Variants in TTF1 observed in about 807,000 individuals in gnomAD.
The protein encoded by TTF1 is transcription termination factor 1.
In TTF1, 64 loss-of-function variants were observed where a neutral mutation model predicts 80.2. The observed-to-expected ratio is 0.80, with a 90% CI of 0.65 to 0.98. The LOEUF is 0.98. Ranked by LOEUF, TTF1 falls within the 50% of genes least tolerant of loss-of-function variation. TTF1 has a pLI of 0.00. For missense variants in TTF1, 1,023 were observed against 1,086.2 expected (o/e 0.94, Z 0.82); for synonymous variants, 372 against 382.7 (o/e 0.97, Z 0.33).
At position 132,390,669 on chromosome 9, in the gene TTF1, T is replaced by C; in HGVS notation, c.2150A>G (p.Tyr717Cys). Reference sequence around the variant, plus strand: ...TACTTCTACCCAAGATATGCCCTTGTAGAGTTTTTCCCGAACAATTGATAG... The same window carrying C: ...TACTTCTACCCAAGATATGCCCTTGCAGAGTTTTTCCCGAACAATTGATAG... Reference protein sequence around the residue: ...SCLSIVREKLYKGISWVEVEA... With the variant: ...SCLSIVREKLCKGISWVEVEA... Residue 717 changes from tyrosine to cysteine, a missense_variant, in exon 7 of 11, where the codon TAC becomes TGC. Transcript: ENST00000334270. 1.2e-6 allele frequency: 2 copies of C among 1,614,242 alleles called. No individual in the cohort carries two copies. Among genetic ancestry groups the C allele is most frequent in the South Asian group, 2.2e-5 (2 of 91,086 alleles).
At chr9:132,391,027 G>T (rs1361531026) in intron 6 of TTF1, among the ~76,000 whole-genome samples, 196 bp from the exon 7 acceptor site, 1 of 152,130 alleles carries the variant, frequency 6.6e-6, no homozygotes, top group Admixed American at 6.5e-5. Flanking sequence ...AAGAACTAAA[G>T]CCTGAAATTA....
At position 132,384,857 on chromosome 9, in the gene TTF1, T is replaced by C. The variant is rs1346685283; in HGVS notation, c.2378+1699A>G. Among the ~76,000 whole-genome samples the C allele has an allele frequency of 6.6e-6, 1 of 152,216 alleles. No homozygotes were observed. Among genetic ancestry groups the C allele is most frequent in the Non-Finnish European group, 1.5e-5 (1 of 68,048 alleles). ...TTTTTGTAGAGACGGAGTTGAACCA[T>C]GTTGGCCAGGCTGGTCTTGAACTCC... On this transcript the variant is annotated intron_variant, in intron 9 of 10. Coordinates refer to ENST00000334270, the MANE Select transcript of TTF1 (RefSeq NM_007344.4). This position sits in a 1 kb window ranked among gnomAD's most constrained non-coding sequence, Gnocchi z 4.1.
rs539279082 is a variant in TTF1 at position 132,386,726 on chromosome 9, C to T, written c.2313-105G>A. The T allele has an allele frequency of 3.1e-4, 264 of 863,170 alleles. 1 individual carries two copies. In the African/African-American group the frequency reaches 3.5e-3, roughly 12 times the overall value. The allele number at this position is 863,170 out of a possible 1,614,324, so 53.5% of individuals were successfully genotyped here. On this transcript the variant is annotated intron_variant, in intron 8 of 10. Transcript: ENST00000334270. ...AGCTGGAAGGTATGTGCGCTTTCGCCGCATTCCAGCTCCCTCGTTACACAT... is the reference window on the plus strand; with the variant it reads ...AGCTGGAAGGTATGTGCGCTTTCGCTGCATTCCAGCTCCCTCGTTACACAT...
chr9:132,398,889 C>A (rs1445314919), intron 3 of TTF1, among the ~76,000 whole-genome samples: 1 of 152,058 alleles, frequency 6.6e-6, no homozygotes, highest in Admixed American at 6.6e-5. Context: ...CTCACTTGGC[C>A]TAGGTTTACT....
At chr9:132,397,777 G>A (rs545254) in intron 4 of TTF1, among the ~76,000 whole-genome samples, 115,617 of 151,842 alleles carry the variant, frequency 0.76, 45,157 homozygotes, top group Non-Finnish European at 0.86. Flanking sequence ...ACGAGGTCAG[G>A]AGTTCGAGAC....
rs1388921208 is a variant in TTF1 at position 132,384,738 on chromosome 9, C to T, written c.2378+1818G>A. On this transcript the variant is annotated intron_variant, in intron 9 of 10. Coordinates refer to ENST00000334270, the MANE Select transcript of TTF1 (RefSeq NM_007344.4). This position sits in a 1 kb window ranked among gnomAD's most constrained non-coding sequence, Gnocchi z 4.1. ...ATGGCATGATCTCGGCTTACTGCAACCTCCGCCTCCTGGGTTCAAGCGATT... is the reference window on the plus strand; with the variant it reads ...ATGGCATGATCTCGGCTTACTGCAATCTCCGCCTCCTGGGTTCAAGCGATT... 6.6e-6 allele frequency among the ~76,000 whole-genome samples: 1 copy of T among 152,116 alleles called. No homozygotes were observed. Among genetic ancestry groups the T allele is most frequent in the Non-Finnish European group, 1.5e-5 (1 of 68,024 alleles).
At chr9:132,391,682 G>A (rs752732561) in intron 6 of TTF1, among the ~76,000 whole-genome samples, 11 of 152,190 alleles carry the variant, frequency 7.2e-5, no homozygotes, top group Non-Finnish European at 1.6e-4. Context: ...CAGACAGGAG[G>A]TCACCAACAC....
At chr9:132,383,851 G>A (rs1320670245) in intron 9 of TTF1, among the ~76,000 whole-genome samples, 1 of 151,992 alleles carries the variant, frequency 6.6e-6, no homozygotes, top group African/African-American at 2.4e-5. Flanking sequence ...CACCACCGAG[G>A]GGCTTTCTCA....
In TTF1 at chr9:132,401,638, G is replaced by A. The variant is rs764361801; in HGVS notation, c.1184C>T (p.Thr395Met). Residue 395 changes from threonine (T) to methionine (M), a missense_variant, in exon 2 of 11, where the codon ACG (threonine) becomes ATG (methionine). By Grantham distance (81) the Thr-to-Met change is moderately conservative. Coordinates refer to ENST00000334270, the MANE Select transcript of TTF1 (RefSeq NM_007344.4). ...AGACACTCGTGCCCTTTTGACAGACGTAAGCTTCCTTTTCTTAGACTTCTT... is the reference window on the plus strand; with the variant it reads ...AGACACTCGTGCCCTTTTGACAGACATAAGCTTCCTTTTCTTAGACTTCTT... ...TKKKSKKRKL[T>M]SVKRARVSGD... The A allele has an allele frequency of 9.9e-6, 16 of 1,614,038 alleles. No homozygotes were observed. In the African/African-American group the frequency reaches 1.2e-4, roughly 12 times the overall value.
Position 132,405,711 on chromosome 9 carries a change from T to C in TTF1, c.-8+1079A>G, listed in dbSNP as rs116346348. Reference sequence around the variant, plus strand: ...ACAGACCTGCAAGAGTCTTCATTTCTTCATAATCTAGCCTAGAGATGGACA... The same window carrying C: ...ACAGACCTGCAAGAGTCTTCATTTCCTCATAATCTAGCCTAGAGATGGACA... On this transcript the variant is annotated intron_variant, in intron 1 of 10. Transcript: ENST00000334270. Among the ~76,000 whole-genome samples the C allele has an allele frequency of 3.1e-3, 475 of 152,360 alleles. 2 individuals carry two copies. Among genetic ancestry groups the C allele is most frequent in the African/African-American group, 0.011 (461 of 41,586 alleles).
Position 132,400,273 on chromosome 9 carries a change from A to G in TTF1, c.1368-15T>C. 1 of 1,609,202 alleles carries G rather than the reference A, an allele frequency of 6.2e-7. No individual in the cohort carries two copies. The highest frequency in any genetic ancestry group is 8.5e-7 in the Non-Finnish European group (1 of 1,175,562). On this transcript the variant is annotated splice_polypyrimidine_tract_variant and intron_variant, in intron 2 of 10. Coordinates refer to ENST00000334270, the MANE Select transcript of TTF1 (RefSeq NM_007344.4). ...CAGGTTCTAACCTAAGGGGTTAGAAAATTGGGTTGACTAACATTAACACAT... is the reference window on the plus strand; with the variant it reads ...CAGGTTCTAACCTAAGGGGTTAGAAGATTGGGTTGACTAACATTAACACAT...
intron 7 of TTF1, 114 bp from the exon 8 acceptor site, chr9:132,388,342 CTTTT>C (rs879104319): frequency 1.9e-6 from 1 of 518,216 alleles, no homozygotes; most frequent in Non-Finnish European, 3.1e-6. Context: ...TCTAACTTTT[CTTTT>C]TTTTTTTTGA....
In TTF1 at chr9:132,376,016, C is replaced by T; in HGVS notation, c.2617G>A (p.Glu873Lys). ...CTTTCTTTTTCTATGTCCTCTCCTT[C>T]ACTATCGTCTTCATAATAAAAGATG... ...RDIFYYEDDS[E>K]GEDIEKESEG... is the part of the protein sequence containing the mutation. Residue 873 changes from glutamate (E) to lysine (K), a missense_variant, in exon 11 of 11, where the codon GAA (glutamate) becomes AAA (lysine). Glu to Lys is a moderately conservative substitution (Grantham distance 56). Coordinates refer to ENST00000334270, the MANE Select transcript of TTF1 (RefSeq NM_007344.4). 6.2e-7 allele frequency: 1 copy of T among 1,614,202 alleles called. No homozygotes were observed. Among genetic ancestry groups the T allele is most frequent in the Non-Finnish European group, 8.5e-7 (1 of 1,180,038 alleles).
rs1423169470 is a variant in TTF1 at position 132,401,673 on chromosome 9, G to T, written c.1149C>A (p.Asn383Lys). The stretch of plus-strand genomic sequence containing the variant: ...TTTTCTTAGACTTCTTCTTTGTACT[G>T]TTGGATTCCTTGAACCCTTTAAGAG... ...STALKGFKES[N>K]STKKKSKKRK... Residue 383 changes from asparagine to lysine, a missense_variant, in exon 2 of 11, where the codon AAC becomes AAA. Asn to Lys is a moderately conservative substitution (Grantham distance 94). Coordinates refer to ENST00000334270, the MANE Select transcript of TTF1 (RefSeq NM_007344.4). 1.2e-6 allele frequency: 2 copies of T among 1,614,052 alleles called. No individual in the cohort carries two copies. The highest frequency in any genetic ancestry group is 1.7e-6 in the Non-Finnish European group (2 of 1,180,046).
chr9:132,399,906 G>T, intron 3 of TTF1, 129 bp downstream of exon 3: 1 of 967,918 alleles, frequency 1.0e-6, no homozygotes, highest in Non-Finnish European at 1.6e-6. Flanking sequence ...ATTCTGGTAG[G>T]AGATAGAGGT....
chr9:132,396,303 C>T (rs1849646424), intron 5 of TTF1, 130 bp downstream of exon 5: 1 of 901,334 alleles, frequency 1.1e-6, no homozygotes, highest in Non-Finnish European at 1.8e-6. Flanking sequence ...ACAACAAATA[C>T]ACCACCTGGT....
At chr9:132,405,681 T>C (rs1230609123) in intron 1 of TTF1, among the ~76,000 whole-genome samples, 1 of 152,216 alleles carries the variant, frequency 6.6e-6, no homozygotes, top group Non-Finnish European at 1.5e-5. Flanking sequence ...AAAGTCAAAA[T>C]CCTCACAGAC....
chr9:132,393,115 C>T (rs1014511106), intron 5 of TTF1, among the ~76,000 whole-genome samples: 1 of 152,184 alleles, frequency 6.6e-6, no homozygotes, highest in Non-Finnish European at 1.5e-5. Flanking sequence ...TTGTCGGTTT[C>T]GTATACTATG....
At chr9:132,378,441 CATG>C (rs1849292127) in intron 10 of TTF1, among the ~76,000 whole-genome samples, 1 of 89,320 alleles carries the variant, frequency 1.1e-5, no homozygotes, top group Admixed American at 1.3e-4. Flanking sequence ...TGTGTGAATG[CATG>C]TGGTGTGAGT....
Sources: gnomAD v4.1 joint callset for allele counts (sites outside exome capture counted in the v4.1 genomes callset) on GRCh38, gnomAD v4.1.1 for gene constraint, Gnocchi (gnomAD v3.1) non-coding constraint, MANE v1.5 for transcripts, NCBI Gene and HGNC (gene_info 2026-07-23, HGNC 2026-07-21) for gene names.